SPOP: variants seen among roughly 807,000 people sequenced by gnomAD.
SPOP encodes speckle-type POZ protein.
SPOP carries 11 observed loss-of-function variants against 45.6 expected under a neutral mutation model. The observed-to-expected ratio is 0.24, with a 90% CI of 0.15 to 0.40. The LOEUF is 0.40. Among genes scored for constraint, SPOP ranks in the 10% least tolerant of loss-of-function variants. SPOP has a pLI of 1.00. For synonymous variants in SPOP, 166 were observed against 166.3 expected (o/e 1.00, Z 0.01); for missense variants, 152 against 465.6 (o/e 0.33, Z 6.20).
rs1353313990 is a variant in SPOP at position 49,619,883 on chromosome 17, G to T, written c.201-498C>A. Among the ~76,000 whole-genome samples the T allele has an allele frequency of 6.6e-6, 1 of 152,206 alleles. No homozygotes were observed. On this transcript the variant is annotated intron_variant, in intron 3 of 9. Transcript: ENST00000504102. This position sits in a 1 kb window ranked among gnomAD's most constrained non-coding sequence, Gnocchi z 4.9. ...TTTTAAAAAGTAAACAACAGGCTGG[G>T]TGCGGTGGCTCACCCCTGTAATCTC... is the stretch of plus-strand genomic sequence containing the variant.
intron 1 of SPOP, among the ~76,000 whole-genome samples, chr17:49,649,366 G>A (rs2072808458): frequency 6.6e-6 from 1 of 151,722 alleles, no homozygotes; most frequent in South Asian, 2.1e-4. Flanking sequence ...GTGAAACCCC[G>A]TCTCTACTAA....
intron 1 of SPOP, among the ~76,000 whole-genome samples, chr17:49,631,942 C>T (rs889206717): frequency 2.6e-5 from 4 of 152,180 alleles, no homozygotes; most frequent in Non-Finnish European, 5.9e-5. Flanking sequence ...TTCTTTATTA[C>T]CACTACCTGA....
intron 3 of SPOP, 124 bp downstream of exon 3, chr17:49,621,822 T>C: frequency 9.6e-7 from 1 of 1,039,716 alleles, no homozygotes; most frequent in South Asian, 1.6e-5. Context: ...CACTGGGAAA[T>C]ACAGTAAGAA....
At chr17:49,635,283 G>A (rs753688019) in intron 1 of SPOP, among the ~76,000 whole-genome samples, 2 of 152,186 alleles carry the variant, frequency 1.3e-5, no homozygotes, top group Non-Finnish European at 2.9e-5. Flanking sequence ...CAAGGAAAAA[G>A]TAAAACCACA....
chr17:49,669,179 G>T (rs944399511), intron 1 of SPOP, among the ~76,000 whole-genome samples: 1 of 150,882 alleles, frequency 6.6e-6, no homozygotes, highest in East Asian at 2.0e-4. Context: ...TGATTCTCCT[G>T]CCTCAGCCTC....
At chr17:49,643,354 T>C (rs2072694076) in intron 1 of SPOP, among the ~76,000 whole-genome samples, 1 of 152,094 alleles carries the variant, frequency 6.6e-6, no homozygotes, top group South Asian at 2.1e-4. Flanking sequence ...CTCACAATAA[T>C]GAATAAGGCA....
chr17:49,669,763 CAA>C (rs3034924), intron 1 of SPOP, among the ~76,000 whole-genome samples: 4 of 103,250 alleles, frequency 3.9e-5, no homozygotes, highest in African/African-American at 3.9e-5. Flanking sequence ...GACTCTGCCT[CAA>C]AAAAAAAAAA....
chr17:49,643,709 T>C (rs893051371), intron 1 of SPOP, among the ~76,000 whole-genome samples: 25 of 151,894 alleles, frequency 1.6e-4, no homozygotes, highest in Non-Finnish European at 2.8e-4. Context: ...GGCGGGCGGA[T>C]CACTTGGGGT....
intron 1 of SPOP, among the ~76,000 whole-genome samples, chr17:49,669,373 A>G (rs1414671956): frequency 6.6e-6 from 1 of 150,416 alleles, no homozygotes; most frequent in Non-Finnish European, 1.5e-5. Flanking sequence ...AGCCTAAGAT[A>G]TTTTTATAAT....
intron 3 of SPOP, 57 bp downstream of exon 3, chr17:49,621,889 C>T: frequency 6.3e-7 from 1 of 1,589,650 alleles, no homozygotes; most frequent in African/African-American, 1.3e-5. Context: ...TCCCATAAAA[C>T]CAAACAAAAC....
chr17:49,617,266 T>C (rs977513063), intron 5 of SPOP, among the ~76,000 whole-genome samples: 1 of 152,276 alleles, frequency 6.6e-6, no homozygotes, highest in Non-Finnish European at 1.5e-5. Flanking sequence ...TTTTCTACTA[T>C]TTTTAAGTTT....
intron 1 of SPOP, among the ~76,000 whole-genome samples, chr17:49,672,661 A>G (rs967247090): frequency 2.6e-5 from 4 of 152,210 alleles, no homozygotes; most frequent in African/African-American, 9.7e-5. Context: ...AACCAGTATC[A>G]TGAGGCCAGG....
intron 1 of SPOP, among the ~76,000 whole-genome samples, chr17:49,652,125 G>A (rs775395340): frequency 1.3e-5 from 2 of 152,122 alleles, no homozygotes; most frequent in Non-Finnish European, 2.9e-5. Flanking sequence ...TTTTAAGCAC[G>A]GGTATGATGC....
rs1597898351 is a variant in SPOP at position 49,600,916 on chromosome 17, G to A, written c.981-394C>T. Reference sequence around the variant, plus strand: ...GCCTTTAACCACAGGGCAGATCAGAGCCTGGGGCCTACTTGATTATCAAAA... The same window carrying A: ...GCCTTTAACCACAGGGCAGATCAGAACCTGGGGCCTACTTGATTATCAAAA... On this transcript the variant is annotated intron_variant, in intron 9 of 9. Coordinates refer to ENST00000504102, the MANE Select transcript of SPOP (RefSeq NM_001007228.2). The surrounding 1 kb of genome is among the most constrained non-coding windows in gnomAD (Gnocchi z 4.2). 5.5e-6 allele frequency: 1 copy of A among 180,300 alleles called. No individual in the cohort carries two copies. Among genetic ancestry groups the A allele is most frequent in the East Asian group, 1.4e-4 (1 of 7,348 alleles). 11.2% of individuals were successfully genotyped at this position (180,300 alleles called of 1,614,324 possible). A position where few individuals can be genotyped will look rare whatever the true frequency, so the allele number is the denominator to read the frequency against.
intron 1 of SPOP, among the ~76,000 whole-genome samples, chr17:49,641,158 G>A (rs1168467560): frequency 6.6e-6 from 1 of 151,352 alleles, no homozygotes; most frequent in Non-Finnish European, 1.5e-5. Context: ...AGCTACTCAG[G>A]AGGCTGAGGC....
intron 1 of SPOP, among the ~76,000 whole-genome samples, chr17:49,658,809 CTTTGT>C (rs1204304450): frequency 6.6e-6 from 1 of 152,198 alleles, no homozygotes; most frequent in Non-Finnish European, 1.5e-5. Flanking sequence ...TACTCTGTGT[CTTTGT>C]GTTGACCAAA....
intron 6 of SPOP, among the ~76,000 whole-genome samples, chr17:49,610,105 C>T (rs139210683): frequency 1.3e-5 from 2 of 152,202 alleles, no homozygotes; most frequent in Non-Finnish European, 2.9e-5. Context: ...AGGTTTGAGA[C>T]AGCTATCGTT....
rs903762965 is a variant in SPOP, at chr17:49,599,719, A to C, written c.*659T>G. ...CCACATCAGAACACTCATCTTCCAG[A>C]TCAAATAACCTTCCCCTTTTGCCTT... On this transcript the variant is annotated 3_prime_UTR_variant, in exon 10 of 10. Transcript: ENST00000504102. 3 of 205,648 alleles carry C rather than the reference A, an allele frequency of 1.5e-5. No homozygotes were observed. The highest frequency in any genetic ancestry group is 3.0e-5 in the Non-Finnish European group (3 of 100,496). The allele number at this position is 205,648 out of a possible 1,614,324, so 12.7% of individuals were successfully genotyped here. A position where few individuals can be genotyped will look rare whatever the true frequency, so the allele number is the denominator to read the frequency against.
chr17:49,668,337 A>C (rs2073090044), intron 1 of SPOP, among the ~76,000 whole-genome samples: 1 of 152,242 alleles, frequency 6.6e-6, no homozygotes, highest in African/African-American at 2.4e-5. Flanking sequence ...GTGGTACAGC[A>C]TATTCATACA....
Sources: gnomAD v4.1 joint callset for allele counts (sites outside exome capture counted in the v4.1 genomes callset) on GRCh38, gnomAD v4.1.1 for gene constraint, Gnocchi (gnomAD v3.1) non-coding constraint, MANE v1.5 for transcripts, NCBI Gene and HGNC (gene_info 2026-07-23, HGNC 2026-07-21) for gene names.